CNTNAP2: variants seen among roughly 807,000 people sequenced by gnomAD.
The protein encoded by CNTNAP2 is contactin associated protein 2, also known as contactin-associated protein-like 2.
In CNTNAP2, 98 loss-of-function variants were observed where a neutral mutation model predicts 155.2. The ratio of observed to expected loss-of-function variants is 0.63; its 90% CI spans 0.54 to 0.75. CNTNAP2 has a LOEUF of 0.75. Ranked by LOEUF, CNTNAP2 falls within the 30% of genes least tolerant of loss-of-function variation. The pLI, the probability that CNTNAP2 is intolerant of heterozygous loss-of-function variation, is 0.00. For synonymous variants in CNTNAP2, 651 were observed against 631.2 expected (o/e 1.03, Z -0.47); for missense variants, 1,727 against 1,688.1 (o/e 1.02, Z -0.40).
chr7:148,254,359 C>G (rs771786473), intron 20 of CNTNAP2, among the ~76,000 whole-genome samples: 1 of 152,126 alleles, frequency 6.6e-6, no homozygotes, highest in Non-Finnish European at 1.5e-5. Context: ...CGAAAACGTG[C>G]TCAACAATTC....
chr7:147,660,215 A>T (rs942340149), intron 13 of CNTNAP2, among the ~76,000 whole-genome samples: 1 of 152,254 alleles, frequency 6.6e-6, no homozygotes, highest in Non-Finnish European at 1.5e-5. Flanking sequence ...GATTGTTCAG[A>T]GAAGACTGAC....
intron 10 of CNTNAP2, among the ~76,000 whole-genome samples, chr7:147,411,872 C>A (rs946960264): frequency 1.3e-5 from 2 of 152,036 alleles, no homozygotes; most frequent in Non-Finnish European, 2.9e-5. Flanking sequence ...GCACTCTCTG[C>A]CCAGTTGATG....
intron 1 of CNTNAP2, among the ~76,000 whole-genome samples, chr7:146,129,679 T>TTTAA: frequency 6.6e-6 from 1 of 152,332 alleles, no homozygotes; most frequent in South Asian, 2.1e-4. Context: ...TTCTACATTT[T>TTTAA]AGTTTAAAAA....
chr7:146,365,068 G>T (rs1795136315), intron 1 of CNTNAP2, among the ~76,000 whole-genome samples: 1 of 151,966 alleles, frequency 6.6e-6, no homozygotes, highest in African/African-American at 2.4e-5. Flanking sequence ...ATTATTTATT[G>T]TATACTTTCA....
At chr7:148,118,965 G>A (rs1447703123) in intron 16 of CNTNAP2, among the ~76,000 whole-genome samples, 3 of 152,208 alleles carry the variant, frequency 2.0e-5, no homozygotes, top group African/African-American at 4.8e-5. Context: ...GTGGAAGGTG[G>A]GGGTTAGCTG....
At chr7:146,900,444 T>C (rs535172222) in intron 3 of CNTNAP2, among the ~76,000 whole-genome samples, 48 of 152,324 alleles carry the variant, frequency 3.2e-4, no homozygotes, top group African/African-American at 1.2e-3. Flanking sequence ...TACTTAACCA[T>C]GTCTCCACTC....
chr7:147,556,747 C>T (rs1341257062), intron 11 of CNTNAP2, among the ~76,000 whole-genome samples: 2 of 152,160 alleles, frequency 1.3e-5, no homozygotes, highest in African/African-American at 4.8e-5. Context: ...CAGTGAACCC[C>T]ATTTCAAACT....
chr7:146,787,992 T>C (rs150972140), intron 2 of CNTNAP2, among the ~76,000 whole-genome samples: 31 of 152,256 alleles, frequency 2.0e-4, no homozygotes, highest in African/African-American at 7.5e-4. Context: ...TGATTGGTGC[T>C]TTTACAAACC....
At chr7:147,158,419 A>G (rs6950413) in intron 8 of CNTNAP2, among the ~76,000 whole-genome samples, 78,717 of 151,886 alleles carry the variant, frequency 0.52, 21,191 homozygotes, top group South Asian at 0.7. Flanking sequence ...TTCTTCAGTG[A>G]CTTTATTCTG....
At chr7:148,175,583 C>T (rs1462720382) in intron 18 of CNTNAP2, among the ~76,000 whole-genome samples, 2 of 152,072 alleles carry the variant, frequency 1.3e-5, no homozygotes, top group East Asian at 1.9e-4. Flanking sequence ...AGATGGGCAT[C>T]GGAGGAAGGG....
At chr7:148,259,908 C>G (rs1367478979) in intron 20 of CNTNAP2, among the ~76,000 whole-genome samples, 1 of 152,192 alleles carries the variant, frequency 6.6e-6, no homozygotes, top group Non-Finnish European at 1.5e-5. Flanking sequence ...CATGGAGTCA[C>G]AGTCTTTAAT....
Position 146,958,709 on chromosome 7 carries a change from G to T in CNTNAP2, c.403-85198G>T, listed in dbSNP as rs577785899. Among the ~76,000 whole-genome samples, 4 of 151,802 alleles carry T rather than the reference G, an allele frequency of 2.6e-5. No individual in the cohort carries two copies. The East Asian group carries it at 7.8e-4, about 30-fold the overall frequency. ...ATTACAGGTGTGAGCCACCACGGCC[G>T]GCCCATTTTTATGTCTTTTAAGCTC... On this transcript the variant is annotated intron_variant, in intron 3 of 23. Transcript: ENST00000361727.
Position 148,420,345 on chromosome 7 carries a change from G to A in CNTNAP2, c.*4729G>A, listed in dbSNP as rs1230450124. The A allele has an allele frequency of 2.0e-5, 3 of 152,306 alleles. 1 individual carries two copies. 9.4% of individuals were successfully genotyped at this position (152,306 alleles called of 1,614,324 possible). On this transcript the variant is annotated 3_prime_UTR_variant, in exon 24 of 24. Coordinates refer to ENST00000361727, the MANE Select transcript of CNTNAP2 (RefSeq NM_014141.6). ...GCCTATTCTCCATGTACCCTGCATG[G>A]TAGTGCTGCAAACTTTAAAGTACAT...
intron 15 of CNTNAP2, among the ~76,000 whole-genome samples, chr7:148,032,952 G>A (rs1204654186): frequency 6.6e-6 from 1 of 152,128 alleles, no homozygotes; most frequent in East Asian, 1.9e-4. Context: ...GAAAGGCACA[G>A]AGTGACCCAG....
At chr7:147,781,172 T>C (rs973972158) in intron 13 of CNTNAP2, among the ~76,000 whole-genome samples, 3 of 152,228 alleles carry the variant, frequency 2.0e-5, no homozygotes, top group African/African-American at 4.8e-5. Flanking sequence ...GCAGTGCTGA[T>C]ATTTTCTTAG....
At chr7:146,192,216 C>A (rs556464719) in intron 1 of CNTNAP2, among the ~76,000 whole-genome samples, 1 of 152,222 alleles carries the variant, frequency 6.6e-6, no homozygotes, top group South Asian at 2.1e-4. Context: ...TTATTTAGTA[C>A]GTTTAAAATA....
chr7:146,564,480 TATATC>T (rs1187438055), intron 1 of CNTNAP2, among the ~76,000 whole-genome samples: 1 of 149,916 alleles, frequency 6.7e-6, no homozygotes, highest in Non-Finnish European at 1.5e-5. Context: ...ATATGTTTCA[TATATC>T]ATATATAATT....
At chr7:147,004,385 C>A (rs571784228) in intron 3 of CNTNAP2, among the ~76,000 whole-genome samples, 1 of 151,634 alleles carries the variant, frequency 6.6e-6, no homozygotes, top group Non-Finnish European at 1.5e-5. Context: ...AATAATTGAC[C>A]TTGTAGAAAA....
rs771023311 is a variant in CNTNAP2, at chr7:148,409,397, C to G, written c.3722C>G (p.Ala1241Gly). Residue 1241 changes from alanine (A) to glycine (G), a missense_variant, in exon 23 of 24, where the codon GCG (alanine) becomes GGG (glycine). By Grantham distance (60) the Ala-to-Gly change is moderately conservative. Coordinates refer to ENST00000361727, the MANE Select transcript of CNTNAP2 (RefSeq NM_014141.6). ...WHLDHLDSAS[A>G]DFPYNPGQGQ... is the part of the protein sequence containing the mutation. ...ACTCTTTCTTTCTCTACAGCCAGTGCGGATTTTCCATATAATCCAGGACAA... is the reference window on the plus strand; with the variant it reads ...ACTCTTTCTTTCTCTACAGCCAGTGGGGATTTTCCATATAATCCAGGACAA... 3.7e-6 allele frequency: 6 copies of G among 1,602,550 alleles called. No homozygotes were observed. The highest frequency in any genetic ancestry group is 1.1e-5 in the South Asian group (1 of 90,628).
Sources: allele counts gnomAD v4.1 joint callset (sites outside exome capture counted in the v4.1 genomes callset), GRCh38; gene constraint gnomAD v4.1.1; transcripts MANE v1.5; gene names NCBI Gene and HGNC (gene_info 2026-07-23, HGNC 2026-07-21).